RABL6: variants seen among roughly 807,000 people sequenced by gnomAD.
The protein encoded by RABL6 is RAB, member RAS oncogene family like 6, also known as rab-like protein 6.
In RABL6, 28 loss-of-function variants were observed where a neutral mutation model predicts 72.9. That is an observed-to-expected ratio of 0.38 (90% confidence interval 0.28 to 0.53). The LOEUF (loss-of-function observed/expected upper bound fraction) is 0.53, where lower values mean the gene tolerates loss of function less well. RABL6 is among the 20% of genes least tolerant of loss of function. The probability of loss-of-function intolerance (pLI) is 0.80; values close to 1 mark genes in which losing one functional copy is unlikely to be tolerated. For synonymous variants in RABL6, 477 were observed against 421.2 expected, an observed-to-expected ratio of 1.13 and a Z score of -1.62; for missense variants, 1,029 against 1,008.4, an observed-to-expected ratio of 1.02 and a Z score of -0.28.
At chr9:136,836,427 A>G (rs1848585524) in intron 8 of RABL6, 1 of 152,510 alleles carries the variant, frequency 6.6e-6, no homozygotes, top group Non-Finnish European at 1.5e-5. Context: ...CCACGGAATC[A>G]GTGGCCCTCC....
At chr9:136,837,045 T>C (rs1848595654) in intron 8 of RABL6, 1 of 491,794 alleles carries the variant, frequency 2.0e-6, no homozygotes, top group African/African-American at 1.9e-5. Context: ...GGCTAATTTT[T>C]TTTGTATTTT....
intron 5 of RABL6, chr9:136,831,023 C>A (rs766859834): frequency 1.3e-5 from 2 of 154,742 alleles, no homozygotes; most frequent in East Asian, 1.9e-4. Context: ...GTGAGGGGCC[C>A]GTTTAAATGA....
intron 1 of RABL6, among the ~76,000 whole-genome samples, chr9:136,811,447 G>A (rs1398604982): frequency 2.0e-5 from 3 of 151,720 alleles, no homozygotes; most frequent in Non-Finnish European, 4.4e-5. Context: ...TCGAAACCCC[G>A]TCTCTACTAA....
intron 1 of RABL6, among the ~76,000 whole-genome samples, chr9:136,817,999 T>G (rs1454885603): frequency 6.3e-5 from 9 of 141,930 alleles, no homozygotes; most frequent in African/African-American, 1.9e-4. Context: ...GAGGCACAAG[T>G]TGGAATGAGC....
intron 5 of RABL6, among the ~76,000 whole-genome samples, chr9:136,831,508 G>A (rs920402528): frequency 6.6e-6 from 1 of 152,200 alleles, no homozygotes; most frequent in Admixed American, 6.5e-5. Context: ...TGCCGTCAGG[G>A]AGAGGGACGG....
chr9:136,840,551 C>T lies in RABL6; in HGVS notation c.*29C>T, dbSNP rs1464742017. The T allele has an allele frequency of 1.7e-5, 26 of 1,523,022 alleles. No homozygotes were observed. In the East Asian group the frequency reaches 2.3e-4, roughly 14 times the overall value. The allele number at this position is 1,523,022 out of a possible 1,614,324, so 94.3% of individuals were successfully genotyped here. A position where few individuals can be genotyped will look rare whatever the true frequency, so the allele number is the denominator to read the frequency against. On this transcript the variant is annotated 3_prime_UTR_variant, in exon 15 of 15. Transcript: ENST00000311502. Reference sequence around the variant, plus strand: ...GGCGTGGGCAGTGGCCGCCCTGGGGCGGGGGGCGTGCCTGTCACTGCCTGG... The same window carrying T: ...GGCGTGGGCAGTGGCCGCCCTGGGGTGGGGGGCGTGCCTGTCACTGCCTGG...
chr9:136,820,383 GT>G (rs972358362), intron 1 of RABL6, among the ~76,000 whole-genome samples: 1 of 150,664 alleles, frequency 6.6e-6, no homozygotes, highest in African/African-American at 2.4e-5. Flanking sequence ...TAATTTTGTT[GT>G]TTTTTTTGAG....
At position 136,830,161 on chromosome 9, in the gene RABL6, G is replaced by A. The variant is rs193107411; in HGVS notation, c.458+677G>A. Among the ~76,000 whole-genome samples the A allele has an allele frequency of 1.2e-4, 19 of 152,370 alleles. No homozygotes were observed. In the East Asian group the frequency reaches 1.9e-3, roughly 15 times the overall value. ...GCACCAGGAGCAGCATGCCCGACAC[G>A]TCCAGGCATCTGCTCTTCCCAGCAG... On this transcript the variant is annotated intron_variant, in intron 5 of 14. Coordinates refer to ENST00000311502, the MANE Select transcript of RABL6 (RefSeq NM_024718.5).
In RABL6 at chr9:136,826,914, G is replaced by T. The variant is rs1848371259; in HGVS notation, c.313+1088G>T. The T allele has an allele frequency of 6.6e-6, 1 of 152,308 alleles. No individual in the cohort carries two copies. The highest frequency in any genetic ancestry group is 1.9e-4 in the East Asian group (1 of 5,186). The allele number at this position is 152,308 out of a possible 1,614,324, so 9.4% of individuals were successfully genotyped here. ...TGTCCTTGGCGTGGAGCGGGCACAG[G>T]CTTCCCGTAGACACGGTTGCCCAGA... On this transcript the variant is annotated intron_variant, in intron 3 of 14. Transcript: ENST00000311502. This position sits in a 1 kb window ranked among gnomAD's most constrained non-coding sequence, Gnocchi z 4.9.
At chr9:136,818,362 C>CAAAAAAAAAAAAAAAACAAAAAAAAA (rs1564360779) in intron 1 of RABL6, among the ~76,000 whole-genome samples, 2 of 15,006 alleles carry the variant, frequency 1.3e-4, no homozygotes, top group Admixed American at 1.3e-3. Flanking sequence ...GACTCTGTCT[C>CAAAAAAAAAAAAAAAACAAAAAAAAA]AAAAAAAAAA....
At chr9:136,811,594 G>T (rs1183087834) in intron 1 of RABL6, among the ~76,000 whole-genome samples, 1 of 150,848 alleles carries the variant, frequency 6.6e-6, no homozygotes, top group African/African-American at 2.4e-5. Flanking sequence ...CTCCAGCCTG[G>T]GTGACAGAGT....
Position 136,831,873 on chromosome 9 carries a change from G to A in RABL6, c.599+12G>A, listed in dbSNP as rs375261983. 129 of 1,603,214 alleles carry A rather than the reference G, an allele frequency of 8.0e-5. No individual in the cohort carries two copies. The African/African-American group carries it at 1.3e-3, about 16-fold the overall frequency. Reference sequence around the variant, plus strand: ...GACAACCTGGACAGGTGGGTGCGGTGGCCCTGCTCCCGAGGGACCCTGCCC... The same window carrying A: ...GACAACCTGGACAGGTGGGTGCGGTAGCCCTGCTCCCGAGGGACCCTGCCC... On this transcript the variant is annotated intron_variant, in intron 6 of 14. Coordinates refer to ENST00000311502, the MANE Select transcript of RABL6 (RefSeq NM_024718.5).
At chr9:136,821,858 C>T (rs1053470165) in intron 1 of RABL6, 5 of 1,235,000 alleles carry the variant, frequency 4.0e-6, no homozygotes, top group Admixed American at 2.9e-5. Flanking sequence ...GGGAGAAGCG[C>T]GGAGCCTCCT....
At chr9:136,836,020 C>A (rs893903976) in intron 8 of RABL6, 175 bp downstream of exon 8, 23 of 609,922 alleles carry the variant, frequency 3.8e-5, no homozygotes, top group Admixed American at 1.7e-4. Context: ...CCCCAGCAGC[C>A]CCCCCACAGT....
Position 136,840,387 on chromosome 9 carries a change from G to A in RABL6, c.2055G>A (p.Lys685=), listed in dbSNP as rs1848668181. ...AGAGCAAGGACAAGGAGGAGGGCAAGGAGGAGCGGCGACGGCGGCAGCAGC... is the reference window on the plus strand; with the variant it reads ...AGAGCAAGGACAAGGAGGAGGGCAAAGAGGAGCGGCGACGGCGGCAGCAGC... The part of the protein sequence containing the change: ...HKKSKDKEEG[K]EERRRRQQRP... The change falls in exon 15 of 15, where the codon AAG becomes AAA. Residue 685 remains lysine, a synonymous_variant. Transcript: ENST00000311502. 2 of 1,553,116 alleles carry A rather than the reference G, an allele frequency of 1.3e-6. No homozygotes were observed. The highest frequency in any genetic ancestry group is 1.4e-5 in the African/African-American group (1 of 73,102).
At position 136,829,453 on chromosome 9, in the gene RABL6, G is replaced by T; in HGVS notation, c.427G>T (p.Val143Leu). The T allele has an allele frequency of 6.3e-7, 1 of 1,588,176 alleles. No individual in the cohort carries two copies. The highest frequency in any genetic ancestry group is 1.8e-5 in the Admixed American group (1 of 56,166). Residue 143 changes from valine to leucine, a missense_variant, in exon 5 of 15, where the codon GTG becomes TTG. Val to Leu is a conservative substitution (Grantham distance 32, BLOSUM62 1). Transcript: ENST00000311502. ...GGACGTGTACAAGAACTGCAACGGG[G>T]TGGTCATGATGTTCGACATTACCAA... Reference protein sequence around the residue: ...FLDVYKNCNGVVMMFDITKQW... With the variant: ...FLDVYKNCNGLVMMFDITKQW...
chr9:136,819,050 C>T lies in RABL6; in HGVS notation c.131-4475C>T, dbSNP rs191153209. ...AAAACCACCTTGTCCAGGCCGGGCG[C>T]GGTGGCTCACGCCTGTAATCCCAGC... On this transcript the variant is annotated intron_variant, in intron 1 of 14. Transcript: ENST00000311502. 3.7e-3 allele frequency among the ~76,000 whole-genome samples: 556 copies of T among 151,968 alleles called. 7 individuals are homozygous for T. The highest frequency in any genetic ancestry group is 0.013 in the African/African-American group (532 of 41,424).
chr9:136,838,209 G>A (rs911016952), intron 10 of RABL6, among the ~76,000 whole-genome samples, 194 bp downstream of exon 10: 6 of 152,244 alleles, frequency 3.9e-5, no homozygotes, highest in African/African-American at 1.2e-4. Context: ...ACATCAGAAA[G>A]GCCTGGCCAC....
At chr9:136,813,979 A>T (rs558472906) in intron 1 of RABL6, 2 of 389,350 alleles carry the variant, frequency 5.1e-6, no homozygotes, top group African/African-American at 4.4e-5. Context: ...AGCCAAAAGT[A>T]TTCTCACATC....
Sources: allele counts gnomAD v4.1 joint callset (sites outside exome capture counted in the v4.1 genomes callset), GRCh38; gene constraint gnomAD v4.1.1; non-coding constraint Gnocchi (gnomAD v3.1); transcripts MANE v1.5; gene names NCBI Gene and HGNC (gene_info 2026-07-23, HGNC 2026-07-21).